Variants in CAMTA1 observed in about 807,000 individuals in gnomAD.
CAMTA1 encodes calmodulin binding transcription activator 1, also known as calmodulin-binding transcription activator 1.
CAMTA1 carries 27 observed loss-of-function variants against 170.9 expected under a neutral mutation model. That is an observed-to-expected ratio of 0.16 (90% CI 0.12 to 0.22). The LOEUF (loss-of-function observed/expected upper bound fraction) is 0.22, where lower values mean the gene tolerates loss of function less well. Ranked by LOEUF, CAMTA1 falls within the 10% of genes least tolerant of loss-of-function variation. The pLI is 1.00. For missense variants in CAMTA1, 1,619 were observed against 2,217.2 expected, an observed-to-expected ratio of 0.73 and a Z score of 5.42; for synonymous variants, 833 against 891.5, an observed-to-expected ratio of 0.93 and a Z score of 1.17.
chr1:6,830,941 C>G (rs536363768), intron 3 of CAMTA1, among the ~76,000 whole-genome samples: 17 of 152,178 alleles, frequency 1.1e-4, no homozygotes, highest in Admixed American at 1.1e-3. Flanking sequence ...GCCTTAGCCT[C>G]CTGAGTAGCT....
intron 3 of CAMTA1, among the ~76,000 whole-genome samples, chr1:6,830,129 C>T (rs1244236960): frequency 3.3e-5 from 5 of 151,756 alleles, no homozygotes; most frequent in African/African-American, 4.8e-5. Context: ...CTCCGCCTCC[C>T]GGGTTCACGC....
intron 3 of CAMTA1, among the ~76,000 whole-genome samples, chr1:6,889,381 C>T (rs1311098697): frequency 1.3e-5 from 2 of 152,168 alleles, no homozygotes; most frequent in African/African-American, 4.8e-5. Context: ...AAATCATAAG[C>T]AGAGGATACA....
intron 3 of CAMTA1, among the ~76,000 whole-genome samples, chr1:6,994,331 T>A (rs1269091744): frequency 1.3e-5 from 2 of 152,198 alleles, no homozygotes; most frequent in Non-Finnish European, 2.9e-5. Context: ...AAGAATTTCA[T>A]TTAACTTTAT....
Position 7,010,303 on chromosome 1 carries a change from G to T in CAMTA1, c.235-81001G>T, listed in dbSNP as rs1339186269. On this transcript the variant is annotated intron_variant, in intron 3 of 22. Transcript: ENST00000303635. The surrounding 1 kb of genome is among the most constrained non-coding windows in gnomAD (Gnocchi z 4.4). ...GGCTCCTGGGCCGCCCCCTCACTCG[G>T]CGTCCAGTGCTCAGGCCTCTGGGCT... 6.6e-6 allele frequency among the ~76,000 whole-genome samples: 1 copy of T among 152,126 alleles called. No homozygotes were observed. Among genetic ancestry groups the T allele is most frequent in the Non-Finnish European group, 1.5e-5 (1 of 68,028 alleles).
In CAMTA1 at chr1:7,738,562, T is replaced by C. The variant is rs1577315664; in HGVS notation, c.4182+80T>C. On this transcript the variant is annotated intron_variant, in intron 16 of 22. Coordinates refer to ENST00000303635, the MANE Select transcript of CAMTA1 (RefSeq NM_015215.4). This position sits in a 1 kb window ranked among gnomAD's most constrained non-coding sequence, Gnocchi z 4.9. ...GATCTTTATGGTCCATTTCCGAAGG[T>C]TGTGTCATTTTCCTCCCCGTGAAGC... 2.0e-6 allele frequency: 3 copies of C among 1,474,922 alleles called. No homozygotes were observed. Among genetic ancestry groups the C allele is most frequent in the South Asian group, 2.6e-5 (2 of 75,640 alleles). The allele number at this position is 1,474,922 out of a possible 1,614,324, so 91.4% of individuals were successfully genotyped here.
chr1:7,245,784 A>T (rs182913362), intron 4 of CAMTA1, among the ~76,000 whole-genome samples: 2 of 152,068 alleles, frequency 1.3e-5, no homozygotes, highest in Non-Finnish European at 2.9e-5. Context: ...CCAGAAGGAG[A>T]TCCCGAGATG....
chr1:7,045,060 C>T (rs1398418268), intron 3 of CAMTA1, among the ~76,000 whole-genome samples: 1 of 152,130 alleles, frequency 6.6e-6, no homozygotes, highest in East Asian at 1.9e-4. Context: ...GAACACTGCG[C>T]AAATGAGTCT....
chr1:7,011,092 C>A (rs538313074), intron 3 of CAMTA1, among the ~76,000 whole-genome samples: 21 of 152,368 alleles, frequency 1.4e-4, no homozygotes, highest in African/African-American at 4.6e-4. Context: ...TGCTTACTGG[C>A]TTCTGTCTTG....
intron 6 of CAMTA1, among the ~76,000 whole-genome samples, chr1:7,600,504 T>TTA (rs397726159): frequency 6.6e-6 from 1 of 151,404 alleles, no homozygotes; most frequent in Non-Finnish European, 1.5e-5. Context: ...TTTTTTTTTT[T>TTA]AATTGATCAT....
chr1:6,965,140 G>A lies in CAMTA1; in HGVS notation c.235-126164G>A, dbSNP rs541728943. ...GGAAGGGCTGTATTTCTGGTGAGAT[G>A]TATTAATATGTGAAAGCCACTTCGG... On this transcript the variant is annotated intron_variant, in intron 3 of 22. Transcript: ENST00000303635. This position sits in a 1 kb window ranked among gnomAD's most constrained non-coding sequence, Gnocchi z 4.1. Among the ~76,000 whole-genome samples, 46 of 152,342 alleles carry A rather than the reference G, an allele frequency of 3.0e-4. No homozygotes were observed. Among genetic ancestry groups the A allele is most frequent in the Non-Finnish European group, 4.9e-4 (33 of 68,026 alleles).
intron 6 of CAMTA1, among the ~76,000 whole-genome samples, chr1:7,524,298 A>G (rs1209935644): frequency 6.6e-6 from 1 of 152,218 alleles, no homozygotes; most frequent in East Asian, 1.9e-4. Context: ...TATGATGAAC[A>G]TATAGAAATG....
intron 3 of CAMTA1, among the ~76,000 whole-genome samples, chr1:6,900,550 CT>C (rs1389289110): frequency 6.6e-6 from 1 of 151,632 alleles, no homozygotes; most frequent in African/African-American, 2.4e-5. Context: ...CCCATGGAAT[CT>C]ATATAAAAAA....
intron 11 of CAMTA1, among the ~76,000 whole-genome samples, chr1:7,713,940 C>G (rs1268108100): frequency 1.3e-5 from 2 of 152,180 alleles, no homozygotes; most frequent in Non-Finnish European, 2.9e-5. Context: ...GTGAGCACCG[C>G]AGCCACTCGG....
At chr1:7,652,857 A>G (rs2095856637) in intron 7 of CAMTA1, among the ~76,000 whole-genome samples, 1 of 152,062 alleles carries the variant, frequency 6.6e-6, no homozygotes, top group Non-Finnish European at 1.5e-5. Flanking sequence ...CAGTGGAAAG[A>G]GCTTGAATCT....
At chr1:7,416,862 G>A (rs573123495) in intron 5 of CAMTA1, among the ~76,000 whole-genome samples, 124 of 152,282 alleles carry the variant, frequency 8.1e-4, no homozygotes, top group African/African-American at 2.9e-3. Flanking sequence ...CAGCTTTTCT[G>A]CTCTGTTTTT....
chr1:7,108,831 A>C (rs576511968), intron 4 of CAMTA1, among the ~76,000 whole-genome samples: 27 of 152,346 alleles, frequency 1.8e-4, no homozygotes, highest in African/African-American at 6.3e-4. Flanking sequence ...CCTGTCTGTC[A>C]GTCAGGAATC....
chr1:7,467,975 G>A (rs957695432), intron 6 of CAMTA1, 74 bp downstream of exon 6: 53 of 1,256,392 alleles, frequency 4.2e-5, no homozygotes, highest in Admixed American at 1.8e-4. Context: ...CTGAGGGCGC[G>A]GGGCTCCGCA....
intron 11 of CAMTA1, among the ~76,000 whole-genome samples, chr1:7,687,709 T>G (rs1576879957): frequency 6.6e-6 from 1 of 152,326 alleles, no homozygotes. Context: ...GAGGGCAGCT[T>G]CTGTGTCCCT....
At chr1:6,999,936 C>A (rs1697962809) in intron 3 of CAMTA1, among the ~76,000 whole-genome samples, 1 of 152,210 alleles carries the variant, frequency 6.6e-6, no homozygotes, top group African/African-American at 2.4e-5. Context: ...CTGACAGGTT[C>A]TTTTCTGAGA....
Sources: gnomAD v4.1 joint callset for allele counts (sites outside exome capture counted in the v4.1 genomes callset) on GRCh38, gnomAD v4.1.1 for gene constraint, Gnocchi (gnomAD v3.1) non-coding constraint, MANE v1.5 for transcripts, NCBI Gene and HGNC (gene_info 2026-07-23, HGNC 2026-07-21) for gene names.